ZNF234: variants seen among roughly 807,000 people sequenced by gnomAD.
ZNF234 encodes zinc finger protein 234, also known as C2-H2 type zinc finger protein.
In ZNF234, 4 loss-of-function variants were observed where a neutral mutation model predicts 10.3. That is an observed-to-expected ratio of 0.39 (90% CI 0.19 to 0.89). The LOEUF (loss-of-function observed/expected upper bound fraction) is 0.89, where lower values mean the gene tolerates loss of function less well. Among genes scored for constraint, ZNF234 ranks in the 40% least tolerant of loss-of-function variants. The pLI is 0.38. For synonymous variants in ZNF234, 258 were observed against 280.1 expected, an observed-to-expected ratio of 0.92 and a Z score of 0.79; for missense variants, 711 against 836.1, an observed-to-expected ratio of 0.85 and a Z score of 1.85.
At chr19:44,151,340 T>A (rs551700435) in intron 5 of ZNF234, among the ~76,000 whole-genome samples, 1 of 152,144 alleles carries the variant, frequency 6.6e-6, no homozygotes, top group South Asian at 2.1e-4. Context: ...GTAGCTGGGA[T>A]TACAGGTGCC....
chr19:44,142,451 A>C (rs1968488599), intron 2 of ZNF234, 84 bp downstream of exon 2: 1 of 152,232 alleles, frequency 6.6e-6, no homozygotes, highest in Non-Finnish European at 1.5e-5. Flanking sequence ...ATAATAATTA[A>C]GCCTTAATTG....
In ZNF234 at chr19:44,157,427, C is replaced by A. The variant is rs1028882267; in HGVS notation, c.1411C>A (p.Leu471Ile). Reference protein sequence around the residue: ...CGQGFNQSSRLQIHQLIHTGE... With the variant: ...CGQGFNQSSRIQIHQLIHTGE... Reference sequence around the variant, plus strand: ...GCAGGGCTTCAATCAGAGCTCACGACTTCAGATTCACCAGCTGATCCATAC... The same window carrying A: ...GCAGGGCTTCAATCAGAGCTCACGAATTCAGATTCACCAGCTGATCCATAC... Residue 471 changes from leucine (L) to isoleucine (I), a missense_variant, in exon 6 of 6, where the codon CTT becomes ATT. Transcript: ENST00000426739. 1 of 1,613,986 alleles carries A rather than the reference C, an allele frequency of 6.2e-7. No homozygotes were observed.
Position 44,159,714 on chromosome 19 carries a change from C to A in ZNF234, c.*1595C>A. The stretch of plus-strand genomic sequence containing the variant: ...TTCCATCCAGACTTTGACATGATTG[C>A]CGTCTAATAACTGTAGCATTCTCTT... On this transcript the variant is annotated 3_prime_UTR_variant, in exon 6 of 6. Coordinates refer to ENST00000426739, the MANE Select transcript of ZNF234 (RefSeq NM_006630.3). The A allele has an allele frequency of 2.4e-6, 1 of 417,752 alleles. No individual in the cohort carries two copies. Among genetic ancestry groups the A allele is most frequent in the Non-Finnish European group, 5.1e-6 (1 of 197,098 alleles). 25.9% of individuals were successfully genotyped at this position (417,752 alleles called of 1,614,324 possible).
In ZNF234 at chr19:44,157,506, C is replaced by A; in HGVS notation, c.1490C>A (p.Ala497Glu). The change falls in exon 6 of 6, where the codon GCA becomes GAA. Residue 497 changes from alanine to glutamate, a missense_variant. Coordinates refer to ENST00000426739, the MANE Select transcript of ZNF234 (RefSeq NM_006630.3). ...EECGKGFSRR[A>E]DLKIHCRIHT... ...TGCGGAAAGGGATTTAGTCGTAGAGCAGATCTTAAAATTCATTGTAGGATC... is the reference window on the plus strand; with the variant it reads ...TGCGGAAAGGGATTTAGTCGTAGAGAAGATCTTAAAATTCATTGTAGGATC... 1 of 1,613,926 alleles carries A rather than the reference C, an allele frequency of 6.2e-7. No homozygotes were observed. Among genetic ancestry groups the A allele is most frequent in the Non-Finnish European group, 8.5e-7 (1 of 1,179,984 alleles).
intron 5 of ZNF234, among the ~76,000 whole-genome samples, chr19:44,153,807 C>A (rs573256413): frequency 3.9e-5 from 6 of 152,300 alleles, no homozygotes; most frequent in African/African-American, 1.4e-4. Flanking sequence ...GGCTTAAATT[C>A]TCACACAAAA....
chr19:44,144,784 G>A, intron 3 of ZNF234, 137 bp downstream of exon 3: 1 of 676,766 alleles, frequency 1.5e-6, no homozygotes, highest in Non-Finnish European at 2.2e-6. Context: ...AGTTGACTTT[G>A]TTTTTAGATG....
At chr19:44,148,961 G>C in intron 4 of ZNF234, 64 bp downstream of exon 4, 2 of 1,540,854 alleles carry the variant, frequency 1.3e-6, no homozygotes, top group Non-Finnish European at 1.7e-6. Context: ...GTCTTCAGGG[G>C]TTCAACACTT....
chr19:44,146,386 G>T (rs1158186069), intron 3 of ZNF234, among the ~76,000 whole-genome samples: 1 of 152,122 alleles, frequency 6.6e-6, no homozygotes, highest in Non-Finnish European at 1.5e-5. Context: ...AGATCCCTGA[G>T]GAATCGCCAC....
rs143184517 is a variant in ZNF234, at chr19:44,145,098, A to G, written c.15+451A>G. 3.2e-3 allele frequency among the ~76,000 whole-genome samples: 494 copies of G among 152,264 alleles called. 5 individuals are homozygous for G. Among genetic ancestry groups the G allele is most frequent in the African/African-American group, 0.011 (477 of 41,544 alleles). On this transcript the variant is annotated intron_variant, in intron 3 of 5. Transcript: ENST00000426739. ...CCCAAGCGTATTGAGCGACAACTGT[A>G]TTTATTTTATGGAGTAGAAAAATTG...
At chr19:44,148,924 A>C (rs749771393) in intron 4 of ZNF234, 27 bp downstream of exon 4, 29 of 1,603,262 alleles carry the variant, frequency 1.8e-5, no homozygotes, top group Non-Finnish European at 2.1e-5. Context: ...TCTAACACTC[A>C]ATGTCAGTCT....
chr19:44,156,531 G>C lies in ZNF234; in HGVS notation c.515G>C (p.Gly172Ala). ...GATCTTCATCAACAGTTACACTCAGGAGAGAAGTCTCATACATGTGATGAG... is the reference window on the plus strand; with the variant it reads ...GATCTTCATCAACAGTTACACTCAGCAGAGAAGTCTCATACATGTGATGAG... ...NFDLHQQLHS[G>A]EKSHTCDECG... is the part of the protein sequence containing the mutation. The change falls in exon 6 of 6, where the codon GGA (glycine) becomes GCA (alanine). Residue 172 changes from glycine (G) to alanine (A), a missense_variant. Physicochemically the swap from Gly to Ala is moderately conservative, Grantham distance 60 (BLOSUM62 0). Transcript: ENST00000426739. 1 of 1,614,190 alleles carries C rather than the reference G, an allele frequency of 6.2e-7. No homozygotes were observed.
At position 44,156,985 on chromosome 19, in the gene ZNF234, G is replaced by C. The variant is rs763117266; in HGVS notation, c.969G>C (p.Lys323Asn). The C allele has an allele frequency of 6.2e-7, 1 of 1,613,988 alleles. No individual in the cohort carries two copies. The highest frequency in any genetic ancestry group is 2.2e-5 in the East Asian group (1 of 44,868). ...CATACAAATGTGAGGACTGTGGTAA[G>C]TGTTTCACTTGTAGCTCAAACCTTC... ...EKPYKCEDCG[K>N]CFTCSSNLRI... The change falls in exon 6 of 6, where the codon AAG becomes AAC. Residue 323 changes from lysine (K) to asparagine (N), a missense_variant. Coordinates refer to ENST00000426739, the MANE Select transcript of ZNF234 (RefSeq NM_006630.3).
intron 5 of ZNF234, among the ~76,000 whole-genome samples, 195 bp from the exon 6 acceptor site, chr19:44,156,057 G>C (rs1254144968): frequency 2.6e-5 from 4 of 152,172 alleles, no homozygotes; most frequent in African/African-American, 9.7e-5. Flanking sequence ...CTAATGCCTG[G>C]TAGATAGCAG....
In ZNF234 at chr19:44,153,177, T is replaced by TATATATATATATATAC. The variant is rs1357658437; in HGVS notation, c.235+2686_235+2687insACATATATATATATAT. On this transcript the variant is annotated intron_variant, in intron 5 of 5. Coordinates refer to ENST00000426739, the MANE Select transcript of ZNF234 (RefSeq NM_006630.3). ...ATCATGTATTCATCATATATATATATATATATATATATATGCGCCAAGAGT... is the reference window on the plus strand; with the variant it reads ...ATCATGTATTCATCATATATATATATATATATATATATATACATATATATATATATGCGCCAAGAGT... Among the ~76,000 whole-genome samples the TATATATATATATATAC allele has an allele frequency of 5.2e-3, 746 of 143,650 alleles. 21 individuals are homozygous for TATATATATATATATAC. Among genetic ancestry groups the TATATATATATATATAC allele is most frequent in the African/African-American group, 0.018 (710 of 38,740 alleles). 94.2% of individuals were successfully genotyped at this position (143,650 alleles called of 152,430 possible).
In ZNF234 at chr19:44,157,623, G is replaced by A. The variant is rs1968935327; in HGVS notation, c.1607G>A (p.Gly536Glu). 6 of 1,613,788 alleles carry A rather than the reference G, an allele frequency of 3.7e-6. No homozygotes were observed. Among genetic ancestry groups the A allele is most frequent in the Non-Finnish European group, 5.1e-6 (6 of 1,179,984 alleles). The change falls in exon 6 of 6, where the codon GGG becomes GAG. Residue 536 changes from glycine (G) to glutamate (E), a missense_variant. Transcript: ENST00000426739. ...CTAACCCATCAGAGAGTTCACAGTG[G>A]GGAAAAACCATTTAAATGTGAAGAG... ...HLLTHQRVHS[G>E]EKPFKCEECG...
At chr19:44,147,991 G>A (rs1229253404) in intron 3 of ZNF234, among the ~76,000 whole-genome samples, 3 of 152,110 alleles carry the variant, frequency 2.0e-5, no homozygotes, top group African/African-American at 4.8e-5. Flanking sequence ...CAGTTCCCTC[G>A]AATAATATAC....
intron 5 of ZNF234, among the ~76,000 whole-genome samples, chr19:44,154,775 G>A (rs1032157189): frequency 6.6e-6 from 1 of 151,942 alleles, no homozygotes; most frequent in African/African-American, 2.4e-5. Flanking sequence ...TTAACTACGG[G>A]TGCGTGCCAC....
Position 44,148,854 on chromosome 19 carries a change from C to T in ZNF234, c.99C>T (p.Tyr33=), listed in dbSNP as rs1390558353. The change falls in exon 4 of 6, where the codon TAC becomes TAT. Residue 33 remains tyrosine (Y), a synonymous_variant. Transcript: ENST00000426739. ...GLLDPVQRNL[Y]QDVMLENFRN... is the part of the protein sequence containing the mutation. ...TGGACCCTGTCCAGAGGAATCTGTACCAAGATGTGATGCTGGAGAACTTCA... is the reference window on the plus strand; with the variant it reads ...TGGACCCTGTCCAGAGGAATCTGTATCAAGATGTGATGCTGGAGAACTTCA... The T allele has an allele frequency of 4.3e-6, 7 of 1,613,916 alleles. No homozygotes were observed. The highest frequency in any genetic ancestry group is 5.1e-6 in the Non-Finnish European group (6 of 1,179,900).
At position 44,158,193 on chromosome 19, in the gene ZNF234, C is replaced by CT. The variant is rs369299829; in HGVS notation, c.*77dup. Reference sequence around the variant, plus strand: ...AGATTTCATAGGAGGGAAAAATTTTCTTTATCAACCTCTTTGAATTTATTT... The same window carrying CT: ...AGATTTCATAGGAGGGAAAAATTTTCTTTTATCAACCTCTTTGAATTTATTT... On this transcript the variant is annotated 3_prime_UTR_variant, in exon 6 of 6. Transcript: ENST00000426739. The CT allele has an allele frequency of 1.4e-5, 20 of 1,416,550 alleles. No homozygotes were observed. The South Asian group carries it at 2.2e-4, about 16-fold the overall frequency. The allele number at this position is 1,416,550 out of a possible 1,614,324, so 87.7% of individuals were successfully genotyped here. A position where few individuals can be genotyped will look rare whatever the true frequency, so the allele number is the denominator to read the frequency against.
Sources: allele counts gnomAD v4.1 joint callset (sites outside exome capture counted in the v4.1 genomes callset), GRCh38; gene constraint gnomAD v4.1.1; transcripts MANE v1.5; gene names NCBI Gene and HGNC (gene_info 2026-07-23, HGNC 2026-07-21).